Variants in NDUFS4 observed in about 807,000 individuals in gnomAD.
NDUFS4 encodes NADH:ubiquinone oxidoreductase subunit S4.
In NDUFS4, 28 loss-of-function variants were observed where a neutral mutation model predicts 24.3. That is an observed-to-expected ratio of 1.15 (90% CI 0.85 to 1.58). The LOEUF is 1.58. Ranked by LOEUF, NDUFS4 falls within the 40% of genes most tolerant of loss-of-function variation. The pLI is 0.00. For missense variants in NDUFS4, 223 were observed against 207.9 expected (o/e 1.07, Z -0.45); for synonymous variants, 93 against 69.7 (o/e 1.34, Z -1.67).
chr5:53,635,967 G>A (rs1751540687), intron 2 of NDUFS4, among the ~76,000 whole-genome samples: 1 of 152,096 alleles, frequency 6.6e-6, no homozygotes. Flanking sequence ...AAAATCTTTT[G>A]AATACCCGTT....
At chr5:53,573,502 C>A in intron 1 of NDUFS4, 1 of 419,956 alleles carries the variant, frequency 2.4e-6, no homozygotes, top group Admixed American at 2.7e-5. Context: ...GCGTGCAGAT[C>A]CTGTATATGT....
At chr5:53,590,726 G>A (rs79144023) in intron 1 of NDUFS4, among the ~76,000 whole-genome samples, 14,622 of 152,040 alleles carry the variant, frequency 0.096, 1,020 homozygotes, top group Admixed American at 0.2. Context: ...TGTAAACCAG[G>A]GATTATCTGT....
At chr5:53,605,298 A>G (rs1160769107) in intron 2 of NDUFS4, among the ~76,000 whole-genome samples, 1 of 152,222 alleles carries the variant, frequency 6.6e-6, no homozygotes, top group Non-Finnish European at 1.5e-5. Flanking sequence ...GTGTTCATTA[A>G]TGAGAGCACT....
intron 2 of NDUFS4, among the ~76,000 whole-genome samples, chr5:53,615,384 A>C (rs1750811552): frequency 6.6e-6 from 1 of 152,030 alleles, no homozygotes; most frequent in African/African-American, 2.4e-5. Flanking sequence ...TCAGAATAGA[A>C]TTAGAGCAAA....
At chr5:53,591,219 A>C (rs575857206) in intron 1 of NDUFS4, among the ~76,000 whole-genome samples, 1 of 152,272 alleles carries the variant, frequency 6.6e-6, no homozygotes, top group East Asian at 1.9e-4. Flanking sequence ...GGCTGCTGTG[A>C]ATAATGCTGC....
chr5:53,621,217 C>G (rs1751024622), intron 2 of NDUFS4, among the ~76,000 whole-genome samples: 1 of 152,064 alleles, frequency 6.6e-6, no homozygotes, highest in Non-Finnish European at 1.5e-5. Context: ...GGTGCTGTTT[C>G]TTTTTCTGAA....
In NDUFS4 at chr5:53,629,304, T is replaced by C. The variant is rs187729890; in HGVS notation, c.178-16929T>C. 1.4e-3 allele frequency among the ~76,000 whole-genome samples: 212 copies of C among 152,332 alleles called. 1 individual carries two copies. Among genetic ancestry groups the C allele is most frequent in the African/African-American group, 4.6e-3 (190 of 41,570 alleles). ...GAGGAGTGTTTTACTTCTAATTATG[T>C]GGTCAATTTTAGAATAAGTGCGATG... is the stretch of plus-strand genomic sequence containing the variant. On this transcript the variant is annotated intron_variant, in intron 2 of 4. Transcript: ENST00000296684.
intron 2 of NDUFS4, among the ~76,000 whole-genome samples, chr5:53,611,367 A>G (rs1225555505): frequency 6.6e-6 from 1 of 152,018 alleles, no homozygotes; most frequent in Non-Finnish European, 1.5e-5. Context: ...GTTGAGTACA[A>G]ATCTTCAGAT....
At chr5:53,615,125 T>TTTTTG (rs1329889026) in intron 2 of NDUFS4, among the ~76,000 whole-genome samples, 2 of 151,906 alleles carry the variant, frequency 1.3e-5, no homozygotes, top group African/African-American at 2.4e-5. Flanking sequence ...GGTTTTGGGT[T>TTTTTG]TTTTGTTTTG....
chr5:53,667,101 T>C (rs1340039133), intron 4 of NDUFS4, among the ~76,000 whole-genome samples: 1 of 152,144 alleles, frequency 6.6e-6, no homozygotes, highest in Non-Finnish European at 1.5e-5. Context: ...TGTCCTTAAA[T>C]AGATAAATCC....
At chr5:53,621,009 G>A (rs1431538504) in intron 2 of NDUFS4, among the ~76,000 whole-genome samples, 8 of 152,038 alleles carry the variant, frequency 5.3e-5, no homozygotes, top group Non-Finnish European at 1.2e-4. Flanking sequence ...CAATATTTTT[G>A]TCCACATTTT....
At chr5:53,588,926 G>A (rs1278282101) in intron 1 of NDUFS4, among the ~76,000 whole-genome samples, 4 of 151,496 alleles carry the variant, frequency 2.6e-5, no homozygotes, top group African/African-American at 9.7e-5. Flanking sequence ...TTCCTAAACC[G>A]AAGCAAAAAG....
At chr5:53,565,947 G>A (rs959281132) in intron 1 of NDUFS4, among the ~76,000 whole-genome samples, 1 of 152,182 alleles carries the variant, frequency 6.6e-6, no homozygotes, top group Non-Finnish European at 1.5e-5. Context: ...GCCAAGGCGG[G>A]TGGATCATGA....
intron 4 of NDUFS4, among the ~76,000 whole-genome samples, chr5:53,678,190 C>T (rs1048597163): frequency 1.3e-5 from 2 of 152,040 alleles, no homozygotes; most frequent in Non-Finnish European, 2.9e-5. Context: ...ACAAAATAAA[C>T]TGTCATATTT....
intron 2 of NDUFS4, among the ~76,000 whole-genome samples, chr5:53,636,964 C>G (rs539728485): frequency 1.7e-4 from 26 of 152,290 alleles, no homozygotes; most frequent in African/African-American, 6.3e-4. Context: ...AATTAAACCT[C>G]TTTTCTTTAT....
chr5:53,630,074 A>T (rs943216137), intron 2 of NDUFS4, among the ~76,000 whole-genome samples: 2 of 152,060 alleles, frequency 1.3e-5, no homozygotes, highest in African/African-American at 4.8e-5. Flanking sequence ...GGCAGGCCTG[A>T]TGGTGACAAA....
intron 2 of NDUFS4, among the ~76,000 whole-genome samples, chr5:53,641,241 G>A (rs1001012763): frequency 1.3e-5 from 2 of 152,120 alleles, no homozygotes; most frequent in Non-Finnish European, 2.9e-5. Flanking sequence ...TGAGAACTGG[G>A]ATTCCAACCC....
chr5:53,603,314 C>G, intron 1 of NDUFS4, 138 bp from the exon 2 acceptor site: 101 of 660,610 alleles, frequency 1.5e-4, no homozygotes, highest in East Asian at 2.3e-4. Flanking sequence ...ACTTTTGTGC[C>G]CTCTTCTCTT....
chr5:53,627,630 TC>T (rs1392265827), intron 2 of NDUFS4, among the ~76,000 whole-genome samples: 1 of 152,198 alleles, frequency 6.6e-6, no homozygotes, highest in African/African-American at 2.4e-5. Context: ...GGTATTTTAT[TC>T]TCTTTGTAGT....
Sources: gnomAD v4.1 joint callset for allele counts (sites outside exome capture counted in the v4.1 genomes callset) on GRCh38, gnomAD v4.1.1 for gene constraint, MANE v1.5 for transcripts, NCBI Gene and HGNC (gene_info 2026-07-23, HGNC 2026-07-21) for gene names.